GFI1B: variants seen among roughly 807,000 people sequenced by gnomAD.
GFI1B encodes growth factor independent 1B transcriptional repressor, also known as zinc finger protein Gfi-1b.
GFI1B carries 20 observed loss-of-function variants against 35.3 expected under a neutral mutation model. That is an observed-to-expected ratio of 0.57 (90% CI 0.40 to 0.82). The LOEUF (loss-of-function observed/expected upper bound fraction) is 0.82, where lower values mean the gene tolerates loss of function less well. Ranked by LOEUF, GFI1B falls within the 40% of genes least tolerant of loss-of-function variation. The pLI, the probability that GFI1B is intolerant of heterozygous loss-of-function variation, is 0.00. For synonymous variants in GFI1B, 178 were observed against 177.6 expected (o/e 1.00, Z -0.02); for missense variants, 430 against 446.3 (o/e 0.96, Z 0.33).
chr9:132,950,564 T>C (rs1848185947), intron 1 of GFI1B, among the ~76,000 whole-genome samples: 1 of 142,410 alleles, frequency 7.0e-6, no homozygotes, highest in Non-Finnish European at 1.5e-5. Flanking sequence ...CTTTTTTTTT[T>C]TTTTTTTTTT....
At chr9:132,974,623 A>G (rs1050010010), upstream of GFI1B, among the ~76,000 whole-genome samples, 5 of 143,650 alleles carry the variant, frequency 3.5e-5, no homozygotes, top group Admixed American at 2.1e-4. Context: ...AAAAAAAAAA[A>G]GGGAAGACAA....
intron 1 of GFI1B, among the ~76,000 whole-genome samples, chr9:132,961,434 A>C (rs535521734): frequency 1.3e-5 from 2 of 151,210 alleles, no homozygotes; most frequent in Admixed American, 6.6e-5. Flanking sequence ...AAAAAAAAAA[A>C]CAACAGAAAA....
At position 132,947,412 on chromosome 9, in the gene GFI1B, CAA is replaced by C. The variant is rs35035214; in HGVS notation, c.-701+1760_-701+1761del. On this transcript the variant is annotated intron_variant, in intron 1 of 10. Transcript: ENST00000339463. ...TTCAATTAGATTAAATTTAATCGAGCAAAAAAAAAAAAAAAAAAGAAAGAAAA... is the reference window on the plus strand; with the variant it reads ...TTCAATTAGATTAAATTTAATCGAGCAAAAAAAAAAAAAAAAGAAAGAAAA... Among the ~76,000 whole-genome samples, 648 of 95,932 alleles carry C rather than the reference CAA, an allele frequency of 6.8e-3. 4 individuals are homozygous for C. Among genetic ancestry groups the C allele is most frequent in the East Asian group, 0.016 (64 of 3,950 alleles). The allele number at this position is 95,932 out of a possible 152,430, so 62.9% of individuals were successfully genotyped here.
At chr9:132,957,154 C>T (rs972940359) in intron 1 of GFI1B, among the ~76,000 whole-genome samples, 4 of 152,192 alleles carry the variant, frequency 2.6e-5, no homozygotes, top group South Asian at 2.1e-4. Context: ...TGAGAGGGGA[C>T]CACACAGGTT....
intron 1 of GFI1B, chr9:132,951,665 G>T (rs566863157): frequency 1.3e-5 from 2 of 152,202 alleles, no homozygotes; most frequent in Admixed American, 6.5e-5. Flanking sequence ...ACAGGTTTCA[G>T]ATCCATATCA....
intron 1 of GFI1B, among the ~76,000 whole-genome samples, chr9:132,981,672 T>A (rs1027225901): frequency 6.6e-6 from 1 of 152,054 alleles, no homozygotes; most frequent in Non-Finnish European, 1.5e-5. Context: ...ATGATGATGA[T>A]GATTACTTTC....
At chr9:132,982,077 G>A (rs1848845616) in intron 1 of GFI1B, among the ~76,000 whole-genome samples, 2 of 152,154 alleles carry the variant, frequency 1.3e-5, no homozygotes, top group South Asian at 4.1e-4. Flanking sequence ...AAACATAAAG[G>A]AAGTCAAAAA....
At chr9:132,980,815 G>T (rs1055353220) in intron 1 of GFI1B, among the ~76,000 whole-genome samples, 1 of 152,112 alleles carries the variant, frequency 6.6e-6, no homozygotes, top group Non-Finnish European at 1.5e-5. Flanking sequence ...AATCCTTCAG[G>T]TTCATCCATG....
At chr9:132,950,554 CTTTTTTT>C (rs55667389) in intron 1 of GFI1B, among the ~76,000 whole-genome samples, 1 of 81,528 alleles carries the variant, frequency 1.2e-5, no homozygotes, top group African/African-American at 5.9e-5. Flanking sequence ...CCCAATCCCA[CTTTTTTT>C]TTTTTTTTTT....
chr9:132,959,348 C>T (rs1440627741), intron 1 of GFI1B, among the ~76,000 whole-genome samples: 2 of 152,184 alleles, frequency 1.3e-5, no homozygotes, highest in East Asian at 3.9e-4. Flanking sequence ...GTTTGCTTCC[C>T]CTCCTGCCAT....
chr9:132,952,949 A>G (rs1356062387), intron 1 of GFI1B: 2 of 152,240 alleles, frequency 1.3e-5, no homozygotes, highest in Non-Finnish European at 2.9e-5. Context: ...CTCCTAGGAC[A>G]AGCACAACTT....
At chr9:132,976,183 C>T (rs572862056), upstream of GFI1B, among the ~76,000 whole-genome samples, 4 of 152,202 alleles carry the variant, frequency 2.6e-5, no homozygotes, top group South Asian at 8.3e-4. Flanking sequence ...GTGGAGGAAG[C>T]GTTTGGTGAG....
At chr9:132,973,844 T>C (rs960499053), upstream of GFI1B, among the ~76,000 whole-genome samples, 13 of 152,228 alleles carry the variant, frequency 8.5e-5, no homozygotes, top group African/African-American at 3.1e-4. Context: ...CCTCTTCCTC[T>C]ACACTTAAGC....
In GFI1B at chr9:132,991,269, G is replaced by T; in HGVS notation, c.*219G>T. 1.7e-6 allele frequency: 1 copy of T among 588,694 alleles called. No individual in the cohort carries two copies. The highest frequency in any genetic ancestry group is 2.0e-5 in the South Asian group (1 of 50,686). The allele number at this position is 588,694 out of a possible 1,614,324, so 36.5% of individuals were successfully genotyped here. ...GCTGCCAAGTGTGGGAGCCTGGCTG[G>T]GTCTTTCTCAGCAGAAGTTGTTTCC... On this transcript the variant is annotated 3_prime_UTR_variant, in exon 7 of 7. Coordinates refer to ENST00000372122, the MANE Select transcript of GFI1B (RefSeq NM_001377304.1).
chr9:132,964,010 G>A (rs962911806), intron 1 of GFI1B, among the ~76,000 whole-genome samples: 2 of 152,176 alleles, frequency 1.3e-5, no homozygotes, highest in Admixed American at 6.5e-5. Flanking sequence ...GGAGGCCAAG[G>A]TGGGAAGATC....
intron 1 of GFI1B, among the ~76,000 whole-genome samples, chr9:132,954,694 T>A (rs2132587089): frequency 6.6e-6 from 1 of 152,116 alleles, no homozygotes; most frequent in East Asian, 1.9e-4. Context: ...AGTGCTAGGA[T>A]TACAGGTGTG....
At chr9:132,967,846 A>G (rs1042451165) in intron 1 of GFI1B, among the ~76,000 whole-genome samples, 3 of 151,848 alleles carry the variant, frequency 2.0e-5, no homozygotes, top group African/African-American at 7.3e-5. Flanking sequence ...CAGTGGCACA[A>G]TCTTGGCTCA....
intron 1 of GFI1B, among the ~76,000 whole-genome samples, chr9:132,946,125 C>T (rs1848090093): frequency 1.3e-5 from 2 of 152,140 alleles, no homozygotes; most frequent in African/African-American, 2.4e-5. Flanking sequence ...CAGTGAACAA[C>T]CTTTATAACC....
At chr9:132,982,777 G>A (rs1848874378) in intron 1 of GFI1B, among the ~76,000 whole-genome samples, 1 of 152,148 alleles carries the variant, frequency 6.6e-6, no homozygotes, top group Non-Finnish European at 1.5e-5. Flanking sequence ...GTGAGCCAGA[G>A]GGCTTGGCCG....
Sources: allele counts gnomAD v4.1 joint callset (sites outside exome capture counted in the v4.1 genomes callset), GRCh38; gene constraint gnomAD v4.1.1; transcripts MANE v1.5; gene names NCBI Gene and HGNC (gene_info 2026-07-23, HGNC 2026-07-21).